The following SCAF8 variants were observed in gnomAD, a reference collection of about 807,000 sequenced individuals.
The protein encoded by SCAF8 is SR-related CTD associated factor 8.
SCAF8 carries 23 observed loss-of-function variants against 140.5 expected under a neutral mutation model. The ratio of observed to expected loss-of-function variants is 0.16; its 90% CI spans 0.12 to 0.23. The LOEUF (loss-of-function observed/expected upper bound fraction) is 0.23. SCAF8 is among the 10% of genes least tolerant of loss of function. The probability of loss-of-function intolerance (pLI) is 1.00; values close to 1 mark genes in which losing one functional copy is unlikely to be tolerated. For missense variants in SCAF8, 1,397 were observed against 1,555.7 expected, an observed-to-expected ratio of 0.90 and a Z score of 1.72; for synonymous variants, 575 against 528.9, an observed-to-expected ratio of 1.09 and a Z score of -1.20.
chr6:154,757,350 T>C (rs1778992362), intron 1 of SCAF8, among the ~76,000 whole-genome samples: 1 of 152,184 alleles, frequency 6.6e-6, no homozygotes, highest in Non-Finnish European at 1.5e-5. Flanking sequence ...GATACATGAT[T>C]GCAAAACTTG....
intron 3 of SCAF8, among the ~76,000 whole-genome samples, chr6:154,781,651 T>C (rs1442963433): frequency 2.0e-5 from 3 of 152,214 alleles, no homozygotes; most frequent in Non-Finnish European, 4.4e-5. Context: ...TTCTGAGTAG[T>C]ATTTCAGGGT....
In SCAF8 at chr6:154,808,140, G is replaced by A. The variant is rs1220368549; in HGVS notation, c.1052G>A (p.Ser351Asn). Residue 351 changes from serine to asparagine, a missense_variant, in exon 10 of 20, where the codon AGT (serine) becomes AAT (asparagine). By Grantham distance (46) the Ser-to-Asn change is conservative. Around this residue, in one of 5 missense-constraint regions of SCAF8, gnomAD observed 339 missense variants for 407.5 expected, o/e 0.83. Transcript: ENST00000367178. ...EHSASPSQGS[S>N]QQHFLEPEVN... is the part of the protein sequence containing the mutation. ...TCAGCGTCACCATCACAAGGGAGTAGTCAGCAGCATTTTCTTGAACCTGAA... is the reference window on the plus strand; with the variant it reads ...TCAGCGTCACCATCACAAGGGAGTAATCAGCAGCATTTTCTTGAACCTGAA... The A allele has an allele frequency of 6.2e-7, 1 of 1,613,970 alleles. No individual in the cohort carries two copies. Among genetic ancestry groups the A allele is most frequent in the East Asian group, 2.2e-5 (1 of 44,876 alleles).
chr6:154,764,910 T>A (rs1041576767), intron 1 of SCAF8, among the ~76,000 whole-genome samples: 1 of 152,218 alleles, frequency 6.6e-6, no homozygotes, highest in Non-Finnish European at 1.5e-5. Flanking sequence ...ATTATCTGAT[T>A]AGAATGAGAA....
At chr6:154,801,823 A>G (rs865803729) in intron 6 of SCAF8, 148 bp from the exon 7 acceptor site, 2 of 511,046 alleles carry the variant, frequency 3.9e-6, no homozygotes, top group Non-Finnish European at 6.8e-6. Context: ...GTACACAGAA[A>G]AACTTCAAAA....
chr6:154,777,878 A>G (rs886169813), intron 2 of SCAF8, 123 bp from the exon 3 acceptor site: 8 of 651,930 alleles, frequency 1.2e-5, no homozygotes, highest in African/African-American at 5.6e-5. Context: ...GTTTGTCTCA[A>G]AATTCTTGGT....
chr6:154,770,734 G>C (rs1413564869), intron 1 of SCAF8, among the ~76,000 whole-genome samples: 1 of 152,100 alleles, frequency 6.6e-6, no homozygotes, highest in Non-Finnish European at 1.5e-5. Context: ...GTTGGTCTTT[G>C]GTTAAACTGG....
At chr6:154,798,786 A>G (rs780348683) in intron 6 of SCAF8, among the ~76,000 whole-genome samples, 7 of 151,136 alleles carry the variant, frequency 4.6e-5, no homozygotes, top group Non-Finnish European at 1.0e-4. Context: ...CACTCAGAGT[A>G]AAAGCCCAAG....
chr6:154,833,269 A>G lies in SCAF8; in HGVS notation c.3690A>G (p.Val1230=), dbSNP rs767727505. 17 of 1,614,060 alleles carry G rather than the reference A, an allele frequency of 1.1e-5. No individual in the cohort carries two copies. The East Asian group carries it at 3.6e-4, about 34-fold the overall frequency. ...ATGCTCAGCCACCACCTATACCAGTACAGAATGATCCTGAACTTTATGAAA... is the reference window on the plus strand; with the variant it reads ...ATGCTCAGCCACCACCTATACCAGTGCAGAATGATCCTGAACTTTATGAAA... The part of the protein sequence containing the change: ...ERHAQPPPIP[V]QNDPELYEKL... The change falls in exon 20 of 20, where the codon GTA becomes GTG. Residue 1230 remains valine, a synonymous_variant. Coordinates refer to ENST00000367178, the MANE Select transcript of SCAF8 (RefSeq NM_014892.5).
At chr6:154,793,872 G>C (rs918151213) in intron 5 of SCAF8, among the ~76,000 whole-genome samples, 6 of 150,632 alleles carry the variant, frequency 4.0e-5, no homozygotes, top group African/African-American at 1.5e-4. Context: ...GAATTAAATT[G>C]GTTAGCATTT....
At chr6:154,831,713 A>T (rs1410926437) in intron 19 of SCAF8, among the ~76,000 whole-genome samples, 2 of 22,256 alleles carry the variant, frequency 9.0e-5, no homozygotes, top group Non-Finnish European at 2.5e-4. Context: ...TAAAAAAAAA[A>T]AAAAAAAAAA....
intron 17 of SCAF8, among the ~76,000 whole-genome samples, chr6:154,826,565 G>A (rs1562466275): frequency 6.6e-6 from 1 of 152,102 alleles, no homozygotes. Context: ...ATGCAAAGAA[G>A]CAAATTTATA....
In SCAF8 at chr6:154,832,793, G is replaced by A. The variant is rs138761485; in HGVS notation, c.3214G>A (p.Val1072Met). The change falls in exon 20 of 20, where the codon GTG (valine) becomes ATG (methionine). Residue 1072 changes from valine (V) to methionine (M), a missense_variant. Val to Met is a conservative substitution (Grantham distance 21). Around this residue, in one of 5 missense-constraint regions of SCAF8, gnomAD observed 930 missense variants for 874.6 expected, o/e 1.06. Transcript: ENST00000367178. ...TCCTGTAGATATAAGAGAGAATCTT[G>A]TGAGGCCAGGTATAGATCATCTTGG... ...RPPVDIRENL[V>M]RPGIDHLGRR... is the part of the protein sequence containing the mutation. The A allele has an allele frequency of 3.1e-6, 5 of 1,613,974 alleles. No homozygotes were observed. Among genetic ancestry groups the A allele is most frequent in the Non-Finnish European group, 4.2e-6 (5 of 1,179,990 alleles).
At chr6:154,778,768 AATGTGTGTGT>A (rs1247747453) in intron 3 of SCAF8, among the ~76,000 whole-genome samples, 14 of 117,470 alleles carry the variant, frequency 1.2e-4, no homozygotes, top group African/African-American at 4.2e-4. Flanking sequence ...TGTCTCAAAA[AATGTGTGTGT>A]GTGTGTGTGT....
chr6:154,793,027 T>C, intron 5 of SCAF8, 51 bp downstream of exon 5: 1 of 1,413,776 alleles, frequency 7.1e-7, no homozygotes, highest in East Asian at 2.5e-5. Flanking sequence ...CTCATACTTT[T>C]TGGATGACTG....
intron 3 of SCAF8, among the ~76,000 whole-genome samples, chr6:154,779,169 A>G (rs955209531): frequency 1.3e-5 from 2 of 152,088 alleles, no homozygotes; most frequent in East Asian, 3.9e-4. Context: ...TGTAGCTGGG[A>G]TTACAGACAT....
rs540563871 is a variant in SCAF8 at position 154,810,626 on chromosome 6, G to A, written c.1420+418G>A. Among the ~76,000 whole-genome samples the A allele has an allele frequency of 2.0e-5, 3 of 152,286 alleles. No individual in the cohort carries two copies. In the South Asian group the frequency reaches 6.2e-4, roughly 32 times the overall value. On this transcript the variant is annotated intron_variant, in intron 12 of 19. Transcript: ENST00000367178. ...AAGTAATTATAATGTTAATGGGTTA[G>A]CACTACAGGATAATTCCTACTGTAC...
intron 5 of SCAF8, among the ~76,000 whole-genome samples, chr6:154,793,285 C>G (rs1777477610): frequency 6.6e-6 from 1 of 151,974 alleles, no homozygotes; most frequent in Non-Finnish European, 1.5e-5. Flanking sequence ...TTTGTATCAA[C>G]TTGGTATTTA....
chr6:154,811,759 A>G (rs371258839), intron 12 of SCAF8, among the ~76,000 whole-genome samples: 27 of 151,166 alleles, frequency 1.8e-4, no homozygotes, highest in East Asian at 1.4e-3. Context: ...TCATTGTTCA[A>G]TTCTCACCTA....
rs887415674 is a variant in SCAF8 at position 154,776,918 on chromosome 6, C to T, written c.115-1083C>T. Among the ~76,000 whole-genome samples, 8 of 152,222 alleles carry T rather than the reference C, an allele frequency of 5.3e-5. No individual in the cohort carries two copies. The East Asian group carries it at 1.2e-3, about 22-fold the overall frequency. On this transcript the variant is annotated intron_variant, in intron 2 of 19. Transcript: ENST00000367178. ...AAAGAAGGCTGGGCGCAGTGGCTCACGCCTATACTTCCAGCACTTTGGGAG... is the reference window on the plus strand; with the variant it reads ...AAAGAAGGCTGGGCGCAGTGGCTCATGCCTATACTTCCAGCACTTTGGGAG...
Sources: allele counts gnomAD v4.1 joint callset (sites outside exome capture counted in the v4.1 genomes callset), GRCh38; gene constraint gnomAD v4.1.1; regional missense constraint gnomAD v4.1.1; transcripts MANE v1.5; gene names NCBI Gene and HGNC (gene_info 2026-07-23, HGNC 2026-07-21).